The following COLGALT1 variants were observed in gnomAD, a reference collection of about 807,000 sequenced individuals.
The protein encoded by COLGALT1 is collagen beta(1-O)galactosyltransferase 1, also known as procollagen galactosyltransferase 1.
A neutral mutation model predicts 60.8 loss-of-function variants in COLGALT1; 43 were observed. The observed-to-expected ratio is 0.71, with a 90% CI of 0.55 to 0.91. The LOEUF (loss-of-function observed/expected upper bound fraction) is 0.91, where lower values mean the gene tolerates loss of function less well. Ranked by LOEUF, COLGALT1 falls within the 40% of genes least tolerant of loss-of-function variation. COLGALT1 has a pLI of 0.00. For synonymous variants in COLGALT1, 369 were observed against 374.2 expected (o/e 0.99, Z 0.16); for missense variants, 845 against 880.0 (o/e 0.96, Z 0.50).
intron 6 of COLGALT1, among the ~76,000 whole-genome samples, 200 bp downstream of exon 6, chr19:17,572,802 C>T (rs2076320757): frequency 6.6e-6 from 1 of 152,200 alleles, no homozygotes; most frequent in Non-Finnish European, 1.5e-5. Flanking sequence ...TAGCTGTACA[C>T]AGCATGCTTG....
chr19:17,564,315 G>A (rs979458813), intron 3 of COLGALT1, among the ~76,000 whole-genome samples: 3 of 150,690 alleles, frequency 2.0e-5, no homozygotes, highest in Admixed American at 6.7e-5. Flanking sequence ...ACATATATAC[G>A]TGTATATGTA....
rs1234086580 is a variant in COLGALT1, at chr19:17,580,783, C to T, written c.1479C>T (p.Ser493=). 6.2e-7 allele frequency: 1 copy of T among 1,614,098 alleles called. No individual in the cohort carries two copies. The highest frequency in any genetic ancestry group is 1.1e-5 in the South Asian group (1 of 91,068). ...RVRNLVEADY[S]YWTLAYVISL... Reference sequence around the variant, plus strand: ...GGAACCTGGTGGAGGCCGACTATTCCTACTGGACCCTGGCCTACGTGATCT... The same window carrying T: ...GGAACCTGGTGGAGGCCGACTATTCTTACTGGACCCTGGCCTACGTGATCT... Residue 493 remains serine, a synonymous_variant, in exon 11 of 12, where the codon TCC becomes TCT. Coordinates refer to ENST00000252599, the MANE Select transcript of COLGALT1 (RefSeq NM_024656.4).
At chr19:17,580,630 C>A in intron 10 of COLGALT1, 69 bp from the exon 11 acceptor site, 1 of 1,524,878 alleles carries the variant, frequency 6.6e-7, no homozygotes, top group Non-Finnish European at 9.0e-7. Context: ...GTAACTAGAT[C>A]CCTGGCTTTC....
intron 6 of COLGALT1, among the ~76,000 whole-genome samples, chr19:17,574,354 G>C (rs2076329089): frequency 6.6e-6 from 1 of 150,992 alleles, no homozygotes; most frequent in African/African-American, 2.4e-5. Context: ...TTTTGAGACG[G>C]TGTCTCACTT....
Position 17,560,240 on chromosome 19 carries a change from C to G in COLGALT1, c.372-108C>G, listed in dbSNP as rs574951313. ...TTCCCATCCCTCAGATCAGCTTACA[C>G]GTCCCCTCCTCCAGGAAGCTCTCTC... On this transcript the variant is annotated intron_variant, in intron 2 of 11. Coordinates refer to ENST00000252599, the MANE Select transcript of COLGALT1 (RefSeq NM_024656.4). The G allele has an allele frequency of 3.8e-4, 288 of 757,362 alleles. 2 individuals are homozygous for G. The South Asian group carries it at 4.2e-3, about 11-fold the overall frequency. The allele number at this position is 757,362 out of a possible 1,614,324, so 46.9% of individuals were successfully genotyped here.
In COLGALT1 at chr19:17,577,633, A is replaced by G. The variant is rs188789384; in HGVS notation, c.1133+166A>G. Among the ~76,000 whole-genome samples the G allele has an allele frequency of 1.2e-3, 178 of 152,198 alleles. 2 individuals carry two copies. The East Asian group carries it at 0.028, about 24-fold the overall frequency. Reference sequence around the variant, plus strand: ...GGGGAAGTGAATGGGACCCTGGGGAAGGGGCAGATCCTCACAGTTGTAGAC... The same window carrying G: ...GGGGAAGTGAATGGGACCCTGGGGAGGGGGCAGATCCTCACAGTTGTAGAC... On this transcript the variant is annotated intron_variant, in intron 8 of 11. Transcript: ENST00000252599.
At chr19:17,573,584 GC>G (rs1555770260) in intron 6 of COLGALT1, among the ~76,000 whole-genome samples, 1 of 152,100 alleles carries the variant, frequency 6.6e-6, no homozygotes, top group Non-Finnish European at 1.5e-5. Flanking sequence ...CTGTATTCTA[GC>G]TACTCAGGAG....
At chr19:17,577,340 T>A (rs774070727) in intron 7 of COLGALT1, 21 bp from the exon 8 acceptor site, 17 of 1,606,318 alleles carry the variant, frequency 1.1e-5, no homozygotes, top group Non-Finnish European at 1.3e-5. Flanking sequence ...CTGATCTGGC[T>A]GGGGACTCTC....
intron 1 of COLGALT1, among the ~76,000 whole-genome samples, chr19:17,556,368 C>G (rs900715500): frequency 5.3e-5 from 8 of 152,216 alleles, no homozygotes; most frequent in Non-Finnish European, 1.0e-4. Flanking sequence ...AGGACGGAGC[C>G]CAGAGCCCCC....
At position 17,580,865 on chromosome 19, in the gene COLGALT1, G is replaced by A; in HGVS notation, c.1561G>A (p.Val521Met). Residue 521 changes from valine to methionine, a missense_variant, in exon 11 of 12, where the codon GTG becomes ATG. Coordinates refer to ENST00000252599, the MANE Select transcript of COLGALT1 (RefSeq NM_024656.4). ...AAEPLSKMLP[V>M]DEFLPVMFDK... The stretch of plus-strand genomic sequence containing the variant: ...TGAGCCGCTCTCCAAGATGCTGCCT[G>A]TGGACGAGTTCCTGCCCGTCATGTT... 6.2e-7 allele frequency: 1 copy of A among 1,613,994 alleles called. No individual in the cohort carries two copies. Among genetic ancestry groups the A allele is most frequent in the Non-Finnish European group, 8.5e-7 (1 of 1,180,008 alleles).
intron 3 of COLGALT1, among the ~76,000 whole-genome samples, chr19:17,562,059 C>T (rs185292611): frequency 4.1e-4 from 62 of 152,168 alleles, no homozygotes; most frequent in African/African-American, 1.4e-3. Context: ...TTAGTAGAGA[C>T]GGGGTTTCGC....
chr19:17,579,766 G>T (rs961755376), intron 10 of COLGALT1, among the ~76,000 whole-genome samples, 157 bp downstream of exon 10: 7 of 151,310 alleles, frequency 4.6e-5, no homozygotes, highest in Non-Finnish European at 1.0e-4. Context: ...TAGGTACATG[G>T]CCAGGGCTTA....
rs543533165 is a variant in COLGALT1, at chr19:17,570,335, G to GGT, written c.829+1622_829+1623insGT. ...GCTCACTGCAGCCTCAACCTCCTGG[G>GGT]CTCAAGCAATCCTCTCATCTCAGCC... On this transcript the variant is annotated intron_variant, in intron 5 of 11. Coordinates refer to ENST00000252599, the MANE Select transcript of COLGALT1 (RefSeq NM_024656.4). 8.4e-3 allele frequency among the ~76,000 whole-genome samples: 1,271 copies of GGT among 152,140 alleles called. 20 individuals carry two copies. The highest frequency in any genetic ancestry group is 0.029 in the African/African-American group (1,212 of 41,500).
rs1484749048 is a variant in COLGALT1 at position 17,560,394 on chromosome 19, T to C, written c.418T>C (p.Tyr140His). 8 of 1,614,006 alleles carry C rather than the reference T, an allele frequency of 5.0e-6. No individual in the cohort carries two copies. Among genetic ancestry groups the C allele is most frequent in the Admixed American group, 3.3e-5 (2 of 59,988 alleles). ...EGPKHWSDSR[Y>H]EHVMKLRQAA... Reference sequence around the variant, plus strand: ...CCCGAAACACTGGTCTGACTCACGCTACGAGCATGTCATGAAGTTGCGCCA... The same window carrying C: ...CCCGAAACACTGGTCTGACTCACGCCACGAGCATGTCATGAAGTTGCGCCA... The change falls in exon 3 of 12, where the codon TAC becomes CAC. Residue 140 changes from tyrosine to histidine, a missense_variant. Physicochemically the swap from Tyr to His is moderately conservative, Grantham distance 83. Transcript: ENST00000252599.
At chr19:17,581,033 C>G in intron 11 of COLGALT1, 128 bp downstream of exon 11, 1 of 1,386,612 alleles carries the variant, frequency 7.2e-7, no homozygotes, top group Non-Finnish European at 1.0e-6. Context: ...CCGTTTGCCC[C>G]CTCGCAGATC....
At chr19:17,579,719 T>G in intron 10 of COLGALT1, 110 bp downstream of exon 10, 1 of 1,384,288 alleles carries the variant, frequency 7.2e-7, no homozygotes, top group Non-Finnish European at 9.8e-7. Context: ...GGTCATGGCT[T>G]AGAGGCGGGG....
intron 5 of COLGALT1, 66 bp from the exon 6 acceptor site, chr19:17,572,417 G>A: frequency 6.2e-7 from 1 of 1,608,096 alleles, no homozygotes; most frequent in Non-Finnish European, 8.5e-7. Context: ...GCCGTGGGAT[G>A]GAAGGCATGA....
In COLGALT1 at chr19:17,564,844, T is replaced by A. The variant is rs188402755; in HGVS notation, c.490-2562T>A. Among the ~76,000 whole-genome samples, 4 of 152,238 alleles carry A rather than the reference T, an allele frequency of 2.6e-5. No homozygotes were observed. In the East Asian group the frequency reaches 7.7e-4, roughly 29 times the overall value. On this transcript the variant is annotated intron_variant, in intron 3 of 11. Coordinates refer to ENST00000252599, the MANE Select transcript of COLGALT1 (RefSeq NM_024656.4). ...ACCACCACCTCTAATTCTAGAACAT[T>A]TTCATTCCCCAGAAAGAAAACCCTA...
At position 17,568,708 on chromosome 19, in the gene COLGALT1, A is replaced by G. The variant is rs199714159; in HGVS notation, c.824A>G (p.Gln275Arg). 1.2e-6 allele frequency: 2 copies of G among 1,614,136 alleles called. No homozygotes were observed. The highest frequency in any genetic ancestry group is 8.5e-7 in the Non-Finnish European group (1 of 1,180,004). The change falls in exon 5 of 12, where the codon CAG (glutamine) becomes CGG (arginine). Residue 275 changes from glutamine to arginine, a missense_variant. By Grantham distance (43) the Gln-to-Arg change is conservative (BLOSUM62 1). Transcript: ENST00000252599. ...DIIVFAFSCK[Q>R]AEVQMYVCNK... ...ATCGTCTTTGCCTTCTCCTGCAAGC[A>G]GGCAGGTACGTACATGAGGGGTCTG...
Sources: gnomAD v4.1 joint callset for allele counts (sites outside exome capture counted in the v4.1 genomes callset) on GRCh38, gnomAD v4.1.1 for gene constraint, MANE v1.5 for transcripts, NCBI Gene and HGNC (gene_info 2026-07-23, HGNC 2026-07-21) for gene names.